The following ERCC2 variants were observed in gnomAD, a reference collection of about 807,000 sequenced individuals.
The protein encoded by ERCC2 is general transcription and DNA repair factor IIH helicase subunit XPD.
ERCC2 carries 90 observed loss-of-function variants against 99.4 expected under a neutral mutation model. The ratio of observed to expected loss-of-function variants is 0.91; its 90% CI spans 0.76 to 1.08. The LOEUF (loss-of-function observed/expected upper bound fraction) is 1.08. Ranked by LOEUF, ERCC2 falls within the 50% of genes least tolerant of loss-of-function variation. ERCC2 has a pLI of 0.00. For synonymous variants in ERCC2, 497 were observed against 432.4 expected (o/e 1.15, Z -1.85); for missense variants, 993 against 1,038.1 (o/e 0.96, Z 0.60).
In ERCC2 at chr19:45,364,019, C is replaced by T. The variant is rs1403894013; in HGVS notation, c.916G>A (p.Ala306Thr). The T allele has an allele frequency of 6.4e-7, 1 of 1,550,600 alleles. No individual in the cohort carries two copies. Among genetic ancestry groups the T allele is most frequent in the Non-Finnish European group, 8.7e-7 (1 of 1,149,102 alleles). ...ACTTCGTCGGGCAGCACGGGGTTGGCCAGGTGGGCGTCCGTCTCCCGGGCG... is the reference window on the plus strand; with the variant it reads ...ACTTCGTCGGGCAGCACGGGGTTGGTCAGGTGGGCGTCCGTCTCCCGGGCG... ...SAARETDAHL[A>T]NPVLPDEVLQ... is the part of the protein sequence containing the mutation. Residue 306 changes from alanine (A) to threonine (T), a missense_variant, in exon 10 of 23, where the codon GCC (alanine) becomes ACC (threonine). This residue lies in a region of ERCC2 where 909 missense variants were observed against 930.8 expected (regional missense o/e 0.98). Transcript: ENST00000391945.
intron 5 of ERCC2, 151 bp from the exon 6 acceptor site, chr19:45,365,309 G>A (rs946878007): frequency 2.9e-6 from 2 of 679,020 alleles, no homozygotes; most frequent in African/African-American, 3.5e-5. Flanking sequence ...GGAACTTAAT[G>A]CAGGGATACA....
chr19:45,350,421 C>T lies in ERCC2; in HGVS notation c.*1208G>A, dbSNP rs376199766. On this transcript the variant is annotated 3_prime_UTR_variant, in exon 23 of 23. Coordinates refer to ENST00000391945, the MANE Select transcript of ERCC2 (RefSeq NM_000400.4). ...AAATCCTCCACAAGGAGGACCTACC[C>T]GCCCCTCTCGGTGAGCCCCTAGCCC... 186 of 1,613,874 alleles carry T rather than the reference C, an allele frequency of 1.2e-4. No individual in the cohort carries two copies. Among genetic ancestry groups the T allele is most frequent in the Middle Eastern group, 4.9e-4 (3 of 6,062 alleles).
chr19:45,364,764 T>G, intron 7 of ERCC2, 74 bp downstream of exon 7: 1 of 1,316,252 alleles, frequency 7.6e-7, no homozygotes, highest in East Asian at 2.3e-5. Context: ...CAGACAGACA[T>G]GGGCAGACAG....
intron 1 of ERCC2, 44 bp from the exon 2 acceptor site, chr19:45,370,276 C>T: frequency 1.2e-6 from 2 of 1,603,092 alleles, no homozygotes; most frequent in Non-Finnish European, 1.7e-6. Flanking sequence ...CCCTCAGCCC[C>T]TCTCCCGCCT....
At chr19:45,356,728 A>T (rs1055893563) in intron 15 of ERCC2, among the ~76,000 whole-genome samples, 2 of 152,210 alleles carry the variant, frequency 1.3e-5, no homozygotes, top group Non-Finnish European at 1.5e-5. Flanking sequence ...AATCACCTGA[A>T]TCCAGGAGGC....
In ERCC2 at chr19:45,357,784, C is replaced by G. The variant is rs1055292032; in HGVS notation, c.1238-85G>C. On this transcript the variant is annotated intron_variant, in intron 12 of 22. Transcript: ENST00000391945. ...TCAGTCATTCCCTCTCCTGCTCCCT[C>G]GCTTCACCCCAATCTCCACCCCGTA... 4 of 1,215,406 alleles carry G rather than the reference C, an allele frequency of 3.3e-6. No homozygotes were observed. In the South Asian group the frequency reaches 5.0e-5, roughly 15 times the overall value. The allele number at this position is 1,215,406 out of a possible 1,614,324, so 75.3% of individuals were successfully genotyped here.
chr19:45,360,455 G>A (rs755150846), intron 12 of ERCC2, among the ~76,000 whole-genome samples: 21 of 149,578 alleles, frequency 1.4e-4, no homozygotes, highest in Non-Finnish European at 2.5e-4. Flanking sequence ...TTGGCTCACT[G>A]TAACCTCTGC....
Position 45,353,092 on chromosome 19 carries a change from T to C in ERCC2, c.1822A>G (p.Ile608Val), listed in dbSNP as rs1333798247. ...AGCCCAGTCCACTCACCAAAGTCGA[T>C]TCCCTCGGACACTTTGCCCCGGGCC... ...SVARGKVSEG[I>V]DFVHHYGRAV... Residue 608 changes from isoleucine (I) to valine (V), a missense_variant, in exon 19 of 23, where the codon ATC becomes GTC. Around this residue, in one of 3 missense-constraint regions of ERCC2, gnomAD observed 909 missense variants for 930.8 expected, o/e 0.98. Transcript: ENST00000391945. 1 of 1,612,914 alleles carries C rather than the reference T, an allele frequency of 6.2e-7. No homozygotes were observed. The highest frequency in any genetic ancestry group is 1.7e-5 in the Admixed American group (1 of 59,994).
Position 45,351,476 on chromosome 19 carries a change from T to G in ERCC2, c.*153A>C. 6.3e-7 allele frequency: 1 copy of G among 1,586,086 alleles called. No homozygotes were observed. Among genetic ancestry groups the G allele is most frequent in the Non-Finnish European group, 8.5e-7 (1 of 1,170,330 alleles). On this transcript the variant is annotated 3_prime_UTR_variant, in exon 23 of 23. Coordinates refer to ENST00000391945, the MANE Select transcript of ERCC2 (RefSeq NM_000400.4). ...CCCTTGCCTCTGGGTACCTGGTGGA[T>G]AGCTGCCTTCTCCTGCGATTAAAGG...
Position 45,363,889 on chromosome 19 carries a change from G to A in ERCC2, c.972C>T (p.Arg324=), listed in dbSNP as rs747058891. The A allele has an allele frequency of 3.2e-6, 5 of 1,549,172 alleles. No individual in the cohort carries two copies. The highest frequency in any genetic ancestry group is 1.9e-5 in the Admixed American group (1 of 52,722). Residue 324 remains arginine, a synonymous_variant, in exon 11 of 23, where the codon CGC becomes CGT. Coordinates refer to ENST00000391945, the MANE Select transcript of ERCC2 (RefSeq NM_000400.4). ...VLQEAVPGSI[R]TAEHFLGFLR... Reference sequence around the variant, plus strand: ...GGAAGCCCAGGAAATGCTCGGCCGTGCGGATGGAGCCAGGCACTGCCTCTG... The same window carrying A: ...GGAAGCCCAGGAAATGCTCGGCCGTACGGATGGAGCCAGGCACTGCCTCTG...
rs1475484723 is a variant in ERCC2, at chr19:45,354,773, C to A, written c.1622G>T (p.Ser541Ile). 1 of 1,613,988 alleles carries A rather than the reference C, an allele frequency of 6.2e-7. No homozygotes were observed. The highest frequency in any genetic ancestry group is 8.5e-7 in the Non-Finnish European group (1 of 1,179,982). ...CACGGTGCTCTCCATGTACTGGTAG[C>A]TGGTGAAGAAGGCCACGATGCCATC... ...VPDGIVAFFT[S>I]YQYMESTVAS... The change falls in exon 17 of 23, where the codon AGC becomes ATC. Residue 541 changes from serine (S) to isoleucine (I), a missense_variant. Ser to Ile is a moderately radical substitution (Grantham distance 142). Coordinates refer to ENST00000391945, the MANE Select transcript of ERCC2 (RefSeq NM_000400.4).
chr19:45,363,930 A>C lies in ERCC2; in HGVS notation c.950-19T>G. The C allele has an allele frequency of 6.5e-7, 1 of 1,536,762 alleles. No individual in the cohort carries two copies. The highest frequency in any genetic ancestry group is 8.7e-7 in the Non-Finnish European group (1 of 1,148,340). ...ACTGCCTCTGCGAGGAGACGCTATCAGCGGCGACGGGGAGGCGGGAAAGGG... is the reference window on the plus strand; with the variant it reads ...ACTGCCTCTGCGAGGAGACGCTATCCGCGGCGACGGGGAGGCGGGAAAGGG... On this transcript the variant is annotated intron_variant, in intron 10 of 22. Coordinates refer to ENST00000391945, the MANE Select transcript of ERCC2 (RefSeq NM_000400.4).
rs3916809 is a variant in ERCC2 at position 45,365,950 on chromosome 19, A to C, written c.361-792T>G. On this transcript the variant is annotated intron_variant, in intron 5 of 22. Coordinates refer to ENST00000391945, the MANE Select transcript of ERCC2 (RefSeq NM_000400.4). Reference sequence around the variant, plus strand: ...CCCAGGCTCAAGTGATCCTTCCCCCACTCAGCCTCCCGAGTAGCTGCGGCC... The same window carrying C: ...CCCAGGCTCAAGTGATCCTTCCCCCCCTCAGCCTCCCGAGTAGCTGCGGCC... 7.8e-3 allele frequency among the ~76,000 whole-genome samples: 1,186 copies of C among 151,900 alleles called. 9 individuals are homozygous for C. Among genetic ancestry groups the C allele is most frequent in the African/African-American group, 0.027 (1,103 of 41,484 alleles).
intron 1 of ERCC2, 91 bp from the exon 2 acceptor site, chr19:45,370,323 C>T (rs1254515498): frequency 1.9e-6 from 3 of 1,555,684 alleles, no homozygotes; most frequent in Non-Finnish European, 2.6e-6. Flanking sequence ...AGAAGGGTGA[C>T]GGGCCCGGCG....
In ERCC2 at chr19:45,353,259, G is replaced by T; in HGVS notation, c.1741C>A (p.Leu581Met). ...ACACCCACCTCCTGGTACTTCTCCAGGGCGACACTGGTTTCGGCACCATCC... is the reference window on the plus strand; with the variant it reads ...ACACCCACCTCCTGGTACTTCTCCATGGCGACACTGGTTTCGGCACCATCC... ...TQDGAETSVA[L>M]EKYQEACENG... The change falls in exon 18 of 23, where the codon CTG becomes ATG. Residue 581 changes from leucine (L) to methionine (M), a missense_variant. By Grantham distance (15) the Leu-to-Met change is conservative. Transcript: ENST00000391945. The T allele has an allele frequency of 6.2e-7, 1 of 1,613,930 alleles. No homozygotes were observed. Among genetic ancestry groups the T allele is most frequent in the Non-Finnish European group, 8.5e-7 (1 of 1,179,916 alleles).
intron 22 of ERCC2, among the ~76,000 whole-genome samples, 157 bp downstream of exon 22, chr19:45,352,051 TC>T (rs1047052835): frequency 1.3e-5 from 2 of 151,612 alleles, no homozygotes; most frequent in Non-Finnish European, 2.9e-5. Context: ...ATCTCCCCCT[TC>T]CCCCCAGAGC....
rs192976188 is a variant in ERCC2, at chr19:45,364,728, C to G, written c.594+110G>C. On this transcript the variant is annotated intron_variant, in intron 7 of 22. Transcript: ENST00000391945. ...ACGGGCACCCACCAACAGGGAGATG[C>G]AGACAGGCAGACTCACAGCAAGCAA... The G allele has an allele frequency of 1.1e-3, 1,352 of 1,226,944 alleles. 8 individuals carry two copies. Among genetic ancestry groups the G allele is most frequent in the Non-Finnish European group, 3.8e-4 (318 of 838,844 alleles). The allele number at this position is 1,226,944 out of a possible 1,614,324, so 76.0% of individuals were successfully genotyped here.
rs530883841 is a variant in ERCC2 at position 45,350,125 on chromosome 19, C to T, written c.*1504G>A. The T allele has an allele frequency of 1.4e-4, 83 of 574,632 alleles. No individual in the cohort carries two copies. The highest frequency in any genetic ancestry group is 1.3e-3 in the African/African-American group (72 of 53,520). The allele number at this position is 574,632 out of a possible 1,614,324, so 35.6% of individuals were successfully genotyped here. A position where few individuals can be genotyped will look rare whatever the true frequency, so the allele number is the denominator to read the frequency against. On this transcript the variant is annotated 3_prime_UTR_variant, in exon 23 of 23. Transcript: ENST00000391945. ...CAGGGGAAGGATACGGCCAGGTCAGCACATTAGAAAGTGGGGCCAGACGTG... is the reference window on the plus strand; with the variant it reads ...CAGGGGAAGGATACGGCCAGGTCAGTACATTAGAAAGTGGGGCCAGACGTG...
chr19:45,351,194 T>TA lies in ERCC2; in HGVS notation c.*434dup. 6.3e-7 allele frequency: 1 copy of TA among 1,585,446 alleles called. No individual in the cohort carries two copies. The highest frequency in any genetic ancestry group is 8.6e-7 in the Non-Finnish European group (1 of 1,165,270). ...TTGGGGTAGAGGCGAGGGGGTTGGA[T>TA]AGTTGGCTGCCAGGCTGGACCTGGA... On this transcript the variant is annotated 3_prime_UTR_variant, in exon 23 of 23. Coordinates refer to ENST00000391945, the MANE Select transcript of ERCC2 (RefSeq NM_000400.4).
Sources: allele counts gnomAD v4.1 joint callset (sites outside exome capture counted in the v4.1 genomes callset), GRCh38; gene constraint gnomAD v4.1.1; regional missense constraint gnomAD v4.1.1; transcripts MANE v1.5; gene names NCBI Gene and HGNC (gene_info 2026-07-23, HGNC 2026-07-21).